FARP1: variants seen among roughly 807,000 people sequenced by gnomAD.
FARP1 encodes FERM, ARHGEF and pleckstrin domain-containing protein 1.
FARP1 carries 52 observed loss-of-function variants against 128.8 expected under a neutral mutation model. The observed-to-expected ratio is 0.40, with a 90% CI of 0.32 to 0.51. FARP1 has a LOEUF of 0.51. Ranked by LOEUF, FARP1 falls within the 20% of genes least tolerant of loss-of-function variation. The probability of loss-of-function intolerance (pLI) is 0.45; values close to 1 mark genes in which losing one functional copy is unlikely to be tolerated. For missense variants in FARP1, 1,333 were observed against 1,367.9 expected (o/e 0.97, Z 0.40); for synonymous variants, 580 against 551.8 (o/e 1.05, Z -0.72).
intron 1 of FARP1, among the ~76,000 whole-genome samples, chr13:98,148,327 G>A (rs1316349414): frequency 6.6e-6 from 1 of 152,194 alleles, no homozygotes. Context: ...GTGGTGAGCT[G>A]AGATTACGCC....
chr13:98,313,313 A>AACACACAC lies in FARP1; in HGVS notation c.172-30430_172-30423dup, dbSNP rs10684013. ...GGGTCATAATCCTCCCCTTCCCCCA[A>AACACACAC]ACACACACACACACACACACACACA... is the stretch of plus-strand genomic sequence containing the variant. On this transcript the variant is annotated intron_variant, in intron 2 of 26. Transcript: ENST00000319562. Among the ~76,000 whole-genome samples the AACACACAC allele has an allele frequency of 8.3e-3, 1,163 of 139,420 alleles. 21 individuals are homozygous for AACACACAC. Among genetic ancestry groups the AACACACAC allele is most frequent in the African/African-American group, 0.026 (963 of 36,842 alleles). The allele number at this position is 139,420 out of a possible 152,430, so 91.5% of individuals were successfully genotyped here.
At chr13:98,434,490 G>A (rs888086927) in intron 18 of FARP1, 6 of 152,202 alleles carry the variant, frequency 3.9e-5, no homozygotes, top group Admixed American at 1.3e-4. Flanking sequence ...CAGTGAAAGA[G>A]GTATTTAGAG....
chr13:98,398,160 T>A (rs1890627839), intron 13 of FARP1: 1 of 152,340 alleles, frequency 6.6e-6, no homozygotes, highest in African/African-American at 2.4e-5. Context: ...CACATGAATG[T>A]CCAGAAGTCG....
chr13:98,435,400 G>A (rs1892214975), intron 18 of FARP1, 176 bp from the exon 19 acceptor site: 2 of 616,516 alleles, frequency 3.2e-6, no homozygotes, highest in Non-Finnish European at 5.4e-6. Flanking sequence ...AATAAATACA[G>A]AAAATACACC....
rs76013057 is a variant in FARP1, at chr13:98,296,452, G to A, written c.172-47310G>A. ...TGCTTCTCCCCTTGTAGAAACCCCCGTTCTCGCCAGAGTGGACATGGGCAT... is the reference window on the plus strand; with the variant it reads ...TGCTTCTCCCCTTGTAGAAACCCCCATTCTCGCCAGAGTGGACATGGGCAT... On this transcript the variant is annotated intron_variant, in intron 2 of 26. Coordinates refer to ENST00000319562, the MANE Select transcript of FARP1 (RefSeq NM_005766.4). 5.9e-3 allele frequency among the ~76,000 whole-genome samples: 891 copies of A among 151,970 alleles called. 7 individuals are homozygous for A. The highest frequency in any genetic ancestry group is 0.03 in the East Asian group (152 of 5,128).
At chr13:98,448,114 G>T in intron 26 of FARP1, 122 bp from the exon 27 acceptor site, 1 of 787,946 alleles carries the variant, frequency 1.3e-6, no homozygotes. Context: ...CTCTTCTGCT[G>T]AAGTGGCAGA....
At chr13:98,329,305 T>G (rs1357049293) in intron 2 of FARP1, 1 of 152,270 alleles carries the variant, frequency 6.6e-6, no homozygotes, top group Non-Finnish European at 1.5e-5. Flanking sequence ...CTTTTGTTAA[T>G]GGTCAGCATT....
At chr13:98,209,886 G>A (rs562729182) in intron 1 of FARP1, among the ~76,000 whole-genome samples, 1 of 150,622 alleles carries the variant, frequency 6.6e-6, no homozygotes, top group Non-Finnish European at 1.5e-5. Context: ...GGAGGCTGAG[G>A]CAGGAGAATT....
intron 2 of FARP1, among the ~76,000 whole-genome samples, chr13:98,273,895 C>T (rs1007690265): frequency 2.6e-5 from 4 of 152,120 alleles, no homozygotes; most frequent in African/African-American, 7.2e-5. Flanking sequence ...TCTTCTTTCC[C>T]CCACAAAAGG....
Position 98,453,472 on chromosome 13 carries a change from G to A in FARP1, c.*5155G>A, listed in dbSNP as rs910947734. 9.7e-5 allele frequency: 45 copies of A among 461,768 alleles called. 1 individual carries two copies. In the East Asian group the frequency reaches 1.5e-3, roughly 16 times the overall value. The allele number at this position is 461,768 out of a possible 1,614,324, so 28.6% of individuals were successfully genotyped here. A position where few individuals can be genotyped will look rare whatever the true frequency, so the allele number is the denominator to read the frequency against. ...CTCCCTGGAGAGATGTGAATAAAAC[G>A]GGAAATCATATCCCTTTTACTTACG... On this transcript the variant is annotated 3_prime_UTR_variant, in exon 27 of 27. Coordinates refer to ENST00000319562, the MANE Select transcript of FARP1 (RefSeq NM_005766.4).
chr13:98,234,716 G>A (rs1178529479), intron 2 of FARP1: 1 of 152,180 alleles, frequency 6.6e-6, no homozygotes, highest in East Asian at 1.9e-4. Flanking sequence ...ATAAATGAAT[G>A]TATGGACAAG....
intron 2 of FARP1, among the ~76,000 whole-genome samples, chr13:98,256,951 A>ATATATATATATATATATATGTATG (rs1883632711): frequency 6.3e-5 from 2 of 31,710 alleles, no homozygotes; most frequent in Non-Finnish European, 9.8e-5. Flanking sequence ...ATATGTGGAT[A>ATATATATATATATATATATGTATG]TATATATATA....
chr13:98,438,226 T>C (rs1230024890), intron 19 of FARP1, among the ~76,000 whole-genome samples: 1 of 152,128 alleles, frequency 6.6e-6, no homozygotes, highest in Non-Finnish European at 1.5e-5. Context: ...CTCACTCCTT[T>C]ATCCTCAACG....
chr13:98,331,630 C>T (rs12429982), intron 2 of FARP1: 18,357 of 152,216 alleles, frequency 0.12, 1,512 homozygotes, highest in East Asian at 0.26. Context: ...TTCTTGAATC[C>T]CTGCTGGATG....
At chr13:98,442,446 T>C (rs780858811) in intron 24 of FARP1, among the ~76,000 whole-genome samples, 4 of 152,200 alleles carry the variant, frequency 2.6e-5, no homozygotes, top group Non-Finnish European at 5.9e-5. Context: ...AGGGGACACA[T>C]CCGAGGTGCA....
chr13:98,275,711 C>A (rs1158749888), intron 2 of FARP1, among the ~76,000 whole-genome samples: 1 of 147,688 alleles, frequency 6.8e-6, no homozygotes, highest in East Asian at 2.0e-4. Flanking sequence ...GTCCCACTTT[C>A]CTGGTGAGTG....
intron 2 of FARP1, among the ~76,000 whole-genome samples, chr13:98,279,039 G>C (rs1423610482): frequency 6.8e-6 from 1 of 147,706 alleles, no homozygotes; most frequent in Non-Finnish European, 1.5e-5. Flanking sequence ...GTTTCACTGT[G>C]TTGGCCAGGA....
intron 23 of FARP1, 39 bp from the exon 24 acceptor site, chr13:98,440,631 G>A: frequency 1.3e-6 from 2 of 1,579,690 alleles, no homozygotes; most frequent in Non-Finnish European, 1.7e-6. Context: ...GGCGCTGGGA[G>A]GAAAGATCAG....
At chr13:98,258,585 C>T (rs528348454) in intron 2 of FARP1, among the ~76,000 whole-genome samples, 1 of 152,216 alleles carries the variant, frequency 6.6e-6, no homozygotes, top group East Asian at 1.9e-4. Flanking sequence ...TGGGTGCTGT[C>T]ACTCATGCTT....
Sources: gnomAD v4.1 joint callset for allele counts (sites outside exome capture counted in the v4.1 genomes callset) on GRCh38, gnomAD v4.1.1 for gene constraint, MANE v1.5 for transcripts, NCBI Gene and HGNC (gene_info 2026-07-23, HGNC 2026-07-21) for gene names.